The following PPP1R10 variants were observed in gnomAD, a reference collection of about 807,000 sequenced individuals.
PPP1R10 encodes protein phosphatase 1 regulatory subunit 10.
PPP1R10 carries 15 observed loss-of-function variants against 99.0 expected under a neutral mutation model. That is an observed-to-expected ratio of 0.15 (90% CI 0.10 to 0.23). The LOEUF is 0.23. Ranked by LOEUF, PPP1R10 falls within the 10% of genes least tolerant of loss-of-function variation. The probability of loss-of-function intolerance (pLI) is 1.00; values close to 1 mark genes in which losing one functional copy is unlikely to be tolerated. For synonymous variants in PPP1R10, 430 were observed against 449.5 expected, an observed-to-expected ratio of 0.96 and a Z score of 0.55; for missense variants, 947 against 1,259.4, an observed-to-expected ratio of 0.75 and a Z score of 3.75.
chr6:30,613,464 A>T (rs59913575), intron 2 of PPP1R10, among the ~76,000 whole-genome samples: 6,751 of 152,280 alleles, frequency 0.044, 275 homozygotes, highest in African/African-American at 0.11. Context: ...CTAGTTTGAC[A>T]CAATAGTGGA....
Position 30,609,793 on chromosome 6 carries a change from A to T in PPP1R10, c.107+45T>A. The stretch of plus-strand genomic sequence containing the variant: ...CAACTGCAGCCATGTTTTAACACAC[A>T]ATATTCTCTACTCACAGTGAATACA... On this transcript the variant is annotated intron_variant, in intron 3 of 19. Coordinates refer to ENST00000376511, the MANE Select transcript of PPP1R10 (RefSeq NM_002714.4). The surrounding 1 kb of genome is among the most constrained non-coding windows in gnomAD (Gnocchi z 4.5). 1 of 1,508,886 alleles carries T rather than the reference A, an allele frequency of 6.6e-7. No individual in the cohort carries two copies. The highest frequency in any genetic ancestry group is 9.2e-7 in the Non-Finnish European group (1 of 1,084,154). 93.5% of individuals were successfully genotyped at this position (1,508,886 alleles called of 1,614,324 possible).
chr6:30,607,707 AAAG>A, intron 6 of PPP1R10, 130 bp downstream of exon 6: 1 of 976,448 alleles, frequency 1.0e-6, no homozygotes, highest in Non-Finnish European at 1.6e-6. Flanking sequence ...TTTCTCTTTA[AAAG>A]AAGGAAAAAA....
intron 6 of PPP1R10, 84 bp downstream of exon 6, chr6:30,607,756 A>C: frequency 6.9e-7 from 1 of 1,444,272 alleles, no homozygotes; most frequent in Non-Finnish European, 9.7e-7. Context: ...GTGAAGGGAC[A>C]ATCCAAGGAT....
rs1239653743 is a variant in PPP1R10, at chr6:30,604,709, G to C, written c.981C>G (p.Ser327Arg). ...AAGGTTTGGCTGTGCTTGGTTCTGTGCTCGTTTTCCCTTCAAAGGGGCTTG... is the reference window on the plus strand; with the variant it reads ...AAGGTTTGGCTGTGCTTGGTTCTGTCCTCGTTTTCCCTTCAAAGGGGCTTG... The part of the protein sequence containing the change: ...AKPSPFEGKT[S>R]TEPSTAKPSS... The change falls in exon 12 of 20, where the codon AGC (serine) becomes AGG (arginine). Residue 327 changes from serine (S) to arginine (R), a missense_variant. Ser to Arg is a moderately radical substitution (Grantham distance 110). This residue lies in a region of PPP1R10 where 100 missense variants were observed against 105.8 expected (regional missense o/e 0.94). Transcript: ENST00000376511. This position sits in a 1 kb window ranked among gnomAD's most constrained non-coding sequence, Gnocchi z 7.3. 1.9e-6 allele frequency: 3 copies of C among 1,613,080 alleles called. No individual in the cohort carries two copies. The highest frequency in any genetic ancestry group is 2.5e-6 in the Non-Finnish European group (3 of 1,180,026).
At position 30,606,235 on chromosome 6, in the gene PPP1R10, G is replaced by C. The variant is rs1023440204; in HGVS notation, c.643C>G (p.Leu215Val). The change falls in exon 9 of 20, where the codon CTG (leucine) becomes GTG (valine). Residue 215 changes from leucine (L) to valine (V), a missense_variant. By Grantham distance (32) the Leu-to-Val change is conservative. Around this residue, in one of 10 missense-constraint regions of PPP1R10, gnomAD observed 92 missense variants for 159.2 expected, o/e 0.58. Transcript: ENST00000376511. This position sits in a 1 kb window ranked among gnomAD's most constrained non-coding sequence, Gnocchi z 6.3. ...HAKFRSTGLE[L>V]ETPSLVPVKK... is the part of the protein sequence containing the mutation. ...ACAGGCACCAAGGATGGTGTCTCCA[G>C]CTCTAGTCCTGGGGAAAGAAGCACG... 1.3e-5 allele frequency: 21 copies of C among 1,613,796 alleles called. No homozygotes were observed. Among genetic ancestry groups the C allele is most frequent in the Non-Finnish European group, 1.7e-5 (20 of 1,179,994 alleles).
At position 30,609,729 on chromosome 6, in the gene PPP1R10, A is replaced by C. The variant is rs1443031936; in HGVS notation, c.107+109T>G. 9 of 957,456 alleles carry C rather than the reference A, an allele frequency of 9.4e-6. No homozygotes were observed. Among genetic ancestry groups the C allele is most frequent in the Non-Finnish European group, 1.3e-5 (8 of 596,516 alleles). The allele number at this position is 957,456 out of a possible 1,614,324, so 59.3% of individuals were successfully genotyped here. On this transcript the variant is annotated intron_variant, in intron 3 of 19. Coordinates refer to ENST00000376511, the MANE Select transcript of PPP1R10 (RefSeq NM_002714.4). This position sits in a 1 kb window ranked among gnomAD's most constrained non-coding sequence, Gnocchi z 4.5. ...ACATTTTAATCCTATTGCACTGACT[A>C]TCTTTCCCTTTCCTTTCCAGGATCA...
In PPP1R10 at chr6:30,602,889, C is replaced by A; in HGVS notation, c.1914G>T (p.Lys638Asn). 2 of 1,556,700 alleles carry A rather than the reference C, an allele frequency of 1.3e-6. No individual in the cohort carries two copies. The change falls in exon 18 of 20, where the codon AAG (lysine) becomes AAT (asparagine). Residue 638 changes from lysine to asparagine, a missense_variant. Physicochemically the swap from Lys to Asn is moderately conservative, Grantham distance 94. Transcript: ENST00000376511. The surrounding 1 kb of genome is among the most constrained non-coding windows in gnomAD (Gnocchi z 6.7). The part of the protein sequence containing the change: ...GFPPGGPGGP[K>N]GMQHFPPGPG... Reference sequence around the variant, plus strand: ...GTCCAGGGGGAAAGTGCTGCATGCCCTTGGGGCCCCCAGGACCCCCTGGTG... The same window carrying A: ...GTCCAGGGGGAAAGTGCTGCATGCCATTGGGGCCCCCAGGACCCCCTGGTG...
intron 2 of PPP1R10, among the ~76,000 whole-genome samples, chr6:30,613,975 G>A (rs1489037230): frequency 1.3e-5 from 2 of 152,204 alleles, no homozygotes; most frequent in African/African-American, 2.4e-5. Context: ...CCAGTAGGAA[G>A]TTAGCCCTAA....
chr6:30,608,707 A>C lies in PPP1R10; in HGVS notation c.330+72T>G, dbSNP rs1804230335. ...ACAGGCCCAAGATTACAGCCACATC[A>C]GTCAGTTTGAGTTTTTCATCCATTA... On this transcript the variant is annotated intron_variant, in intron 5 of 19. Coordinates refer to ENST00000376511, the MANE Select transcript of PPP1R10 (RefSeq NM_002714.4). 3.3e-6 allele frequency: 5 copies of C among 1,506,418 alleles called. No individual in the cohort carries two copies. The Admixed American group carries it at 9.5e-5, about 29-fold the overall frequency. The allele number at this position is 1,506,418 out of a possible 1,614,324, so 93.3% of individuals were successfully genotyped here. A position where few individuals can be genotyped will look rare whatever the true frequency, so the allele number is the denominator to read the frequency against.
Position 30,609,099 on chromosome 6 carries a change from G to A in PPP1R10, c.172C>T (p.Arg58Cys), listed in dbSNP as rs537373596. ...TACTTGACCAATATTTCTGGTGAACGGGTCTGCAGGAGAATGTTCAAGTAA... is the reference window on the plus strand; with the variant it reads ...TACTTGACCAATATTTCTGGTGAACAGGTCTGCAGGAGAATGTTCAAGTAA... ...CTYLNILLQT[R>C]SPEILVKFID... is the part of the protein sequence containing the mutation. Residue 58 changes from arginine (R) to cysteine (C), a missense_variant, in exon 4 of 20, where the codon CGT (arginine) becomes TGT (cysteine). Physicochemically the swap from Arg to Cys is radical, Grantham distance 180 (BLOSUM62 -3). Around this residue, in one of 10 missense-constraint regions of PPP1R10, gnomAD observed 82 missense variants for 117.3 expected, o/e 0.70. Coordinates refer to ENST00000376511, the MANE Select transcript of PPP1R10 (RefSeq NM_002714.4). This position sits in a 1 kb window ranked among gnomAD's most constrained non-coding sequence, Gnocchi z 4.5. 64 of 1,613,906 alleles carry A rather than the reference G, an allele frequency of 4.0e-5. No homozygotes were observed. Among genetic ancestry groups the A allele is most frequent in the Non-Finnish European group, 5.4e-5 (64 of 1,180,022 alleles).
intron 2 of PPP1R10, among the ~76,000 whole-genome samples, chr6:30,612,123 TA>T (rs1222516540): frequency 2.6e-5 from 4 of 152,174 alleles, no homozygotes; most frequent in Admixed American, 6.6e-5. Flanking sequence ...TCTCTCTATA[TA>T]TACACACATA....
In PPP1R10 at chr6:30,602,571, C is replaced by T. The variant is rs758767556; in HGVS notation, c.2078G>A (p.Arg693Gln). ...TCCAGGACCTGGTCCTGGACCCCCC[C>T]GCATTGGGCCACCCCGCATAGGGTC... ...PGDPMRGGPMRGGPGPGPGPY... is the reference protein window; with the variant it reads ...PGDPMRGGPMQGGPGPGPGPY... The change falls in exon 19 of 20, where the codon CGG becomes CAG. Residue 693 changes from arginine (R) to glutamine (Q), a missense_variant. Transcript: ENST00000376511. This position sits in a 1 kb window ranked among gnomAD's most constrained non-coding sequence, Gnocchi z 6.7. 4.5e-6 allele frequency: 7 copies of T among 1,564,324 alleles called. No homozygotes were observed. The highest frequency in any genetic ancestry group is 2.4e-5 in the South Asian group (2 of 84,950).
chr6:30,603,070 T>G (rs1345178670), intron 17 of PPP1R10, 111 bp from the exon 18 acceptor site: 1 of 1,377,662 alleles, frequency 7.3e-7, no homozygotes, highest in African/African-American at 1.4e-5. Flanking sequence ...AGAGCAATGC[T>G]CTCTCTGTCC....
rs983371740 is a variant in PPP1R10, at chr6:30,602,925, G to C, written c.1878C>G (p.Ala626=). The C allele has an allele frequency of 1.7e-5, 26 of 1,554,562 alleles. No individual in the cohort carries two copies. The highest frequency in any genetic ancestry group is 2.2e-5 in the Non-Finnish European group (25 of 1,148,234). ...PHGLLGPGPI[A]NGFPPGGPGG... The stretch of plus-strand genomic sequence containing the variant: ...CAGGACCCCCTGGTGGGAAACCATT[G>C]GCTATTGGGCCAGGGCCTAGGAGTC... Residue 626 remains alanine (A), a synonymous_variant, in exon 18 of 20, where the codon GCC becomes GCG. Coordinates refer to ENST00000376511, the MANE Select transcript of PPP1R10 (RefSeq NM_002714.4). The surrounding 1 kb of genome is among the most constrained non-coding windows in gnomAD (Gnocchi z 6.7).
intron 2 of PPP1R10, chr6:30,614,581 A>C (rs1760255471): frequency 6.6e-6 from 1 of 152,152 alleles, no homozygotes. Context: ...AAAGCGACCA[A>C]ATGCAGGAGG....
Position 30,602,374 on chromosome 6 carries a change from C to T in PPP1R10, c.2275G>A (p.Gly759Arg), listed in dbSNP as rs771410116. 103 of 1,612,722 alleles carry T rather than the reference C, an allele frequency of 6.4e-5. No individual in the cohort carries two copies. The highest frequency in any genetic ancestry group is 8.2e-5 in the Non-Finnish European group (97 of 1,179,906). Residue 759 changes from glycine (G) to arginine (R), a missense_variant, in exon 19 of 20, where the codon GGG becomes AGG. Coordinates refer to ENST00000376511, the MANE Select transcript of PPP1R10 (RefSeq NM_002714.4). This position sits in a 1 kb window ranked among gnomAD's most constrained non-coding sequence, Gnocchi z 6.7. ...TGTCCACTGCTGTTGCCCATGCCCC[C>T]ACCAGGGCCTTCGTGAGGACGATGC... ...GGHRPHEGPG[G>R]GMGNSSGHRP...
In PPP1R10 at chr6:30,604,294, C is replaced by T. The variant is rs1803688662; in HGVS notation, c.1262-40G>A. On this transcript the variant is annotated intron_variant, in intron 13 of 19. Transcript: ENST00000376511. The surrounding 1 kb of genome is among the most constrained non-coding windows in gnomAD (Gnocchi z 7.3). ...AGAAAAGCAAGAGGGAAAGTAAGCACAACCAAGTCCTTTCAAAATCCCTTA... is the reference window on the plus strand; with the variant it reads ...AGAAAAGCAAGAGGGAAAGTAAGCATAACCAAGTCCTTTCAAAATCCCTTA... The T allele has an allele frequency of 6.2e-7, 1 of 1,613,610 alleles. No homozygotes were observed. Among genetic ancestry groups the T allele is most frequent in the South Asian group, 1.1e-5 (1 of 91,058 alleles).
chr6:30,610,072 T>C, intron 2 of PPP1R10, 117 bp from the exon 3 acceptor site: 1 of 675,590 alleles, frequency 1.5e-6, no homozygotes, highest in South Asian at 1.8e-5. Flanking sequence ...TGACTAATTA[T>C]TCAACTATGC....
chr6:30,604,868 G>T lies in PPP1R10; in HGVS notation c.954+126C>A. ...ACTCTGTCTCCACAATGTCTCACCT[G>T]CACCAGTCTATATCCAAGGCAAAAC... On this transcript the variant is annotated intron_variant, in intron 11 of 19. Transcript: ENST00000376511. This position sits in a 1 kb window ranked among gnomAD's most constrained non-coding sequence, Gnocchi z 7.3. 6.6e-7 allele frequency: 1 copy of T among 1,509,522 alleles called. No homozygotes were observed. Among genetic ancestry groups the T allele is most frequent in the African/African-American group, 1.4e-5 (1 of 72,828 alleles). 93.5% of individuals were successfully genotyped at this position (1,509,522 alleles called of 1,614,324 possible).
Sources: gnomAD v4.1 joint callset for allele counts (sites outside exome capture counted in the v4.1 genomes callset) on GRCh38, gnomAD v4.1.1 for gene constraint, gnomAD v4.1.1 regional missense constraint, Gnocchi (gnomAD v3.1) non-coding constraint, MANE v1.5 for transcripts, NCBI Gene and HGNC (gene_info 2026-07-23, HGNC 2026-07-21) for gene names.